CLVS1: variants seen among roughly 807,000 people sequenced by gnomAD.
CLVS1 encodes the protein clavesin-1.
CLVS1 carries 10 observed loss-of-function variants against 33.1 expected under a neutral mutation model. The observed-to-expected ratio is 0.30, with a 90% CI of 0.19 to 0.51. The LOEUF (loss-of-function observed/expected upper bound fraction) is 0.51, where lower values mean the gene tolerates loss of function less well. Ranked by LOEUF, CLVS1 falls within the 20% of genes least tolerant of loss-of-function variation. The pLI is 0.97. For missense variants in CLVS1, 343 were observed against 433.4 expected (o/e 0.79, Z 1.85); for synonymous variants, 163 against 166.1 (o/e 0.98, Z 0.14).
upstream of CLVS1, among the ~76,000 whole-genome samples, chr8:61,283,878 A>G (rs1809723103): frequency 6.6e-6 from 1 of 152,220 alleles, no homozygotes; most frequent in South Asian, 2.1e-4. Context: ...AAGGTGGGAA[A>G]CAGCAATTTG....
At chr8:61,225,357 A>G (rs988460484) in intron 2 of CLVS1, among the ~76,000 whole-genome samples, 2 of 152,056 alleles carry the variant, frequency 1.3e-5, no homozygotes, top group Admixed American at 6.6e-5. Context: ...AAGAATGTAA[A>G]AGTTTCTTTA....
chr8:61,229,781 C>A (rs2129311599), intron 2 of CLVS1, among the ~76,000 whole-genome samples: 1 of 152,308 alleles, frequency 6.6e-6, no homozygotes, highest in Admixed American at 6.5e-5. Context: ...CAGGTGTCTG[C>A]CACCATGCCT....
chr8:61,116,222 T>C (rs1299146212), intron 1 of CLVS1, among the ~76,000 whole-genome samples: 1 of 151,864 alleles, frequency 6.6e-6, no homozygotes, highest in Non-Finnish European at 1.5e-5. Flanking sequence ...GATGGGGTTG[T>C]TTGTTTTTTT....
At chr8:61,317,660 C>A (rs1177585383) in intron 2 of CLVS1, among the ~76,000 whole-genome samples, 1 of 152,192 alleles carries the variant, frequency 6.6e-6, no homozygotes, top group Non-Finnish European at 1.5e-5. Flanking sequence ...TCTCCACTTT[C>A]TCTTCTGGTT....
At chr8:61,206,522 C>T (rs1807844686) in intron 2 of CLVS1, among the ~76,000 whole-genome samples, 2 of 152,130 alleles carry the variant, frequency 1.3e-5, no homozygotes, top group Admixed American at 6.5e-5. Flanking sequence ...CTCTCTAAGC[C>T]AGATTAGACT....
intron 2 of CLVS1, among the ~76,000 whole-genome samples, chr8:61,259,483 T>G (rs529994699): frequency 3.3e-5 from 5 of 152,222 alleles, no homozygotes; most frequent in Non-Finnish European, 2.9e-5. Context: ...ATATTTTCCT[T>G]GCTGGGAAAT....
At chr8:61,343,882 C>T (rs529030982) in intron 2 of CLVS1, among the ~76,000 whole-genome samples, 1 of 152,172 alleles carries the variant, frequency 6.6e-6, no homozygotes, top group East Asian at 1.9e-4. Flanking sequence ...ATCCTTAATC[C>T]ACTTTAAATC....
chr8:61,284,048 G>A (rs1216012385), upstream of CLVS1, among the ~76,000 whole-genome samples: 1 of 152,174 alleles, frequency 6.6e-6, no homozygotes, highest in Non-Finnish European at 1.5e-5. Flanking sequence ...AACAAAGAAT[G>A]AAATCCTGAC....
chr8:61,383,785 G>A (rs1813977592), intron 3 of CLVS1, among the ~76,000 whole-genome samples: 1 of 152,090 alleles, frequency 6.6e-6, no homozygotes. Flanking sequence ...TTTGATAAAT[G>A]GTGTTTTCAG....
chr8:61,111,174 T>C (rs1222869095), intron 1 of CLVS1, among the ~76,000 whole-genome samples: 1 of 152,180 alleles, frequency 6.6e-6, no homozygotes, highest in Admixed American at 6.5e-5. Context: ...CCTGAAAAAA[T>C]GCAATGACGC....
chr8:61,455,568 C>T (rs1817120029), intron 4 of CLVS1, among the ~76,000 whole-genome samples: 1 of 151,974 alleles, frequency 6.6e-6, no homozygotes, highest in Non-Finnish European at 1.5e-5. Context: ...CATAGTATTC[C>T]TCTCGGTATA....
chr8:61,363,412 C>A (rs1813063811), intron 2 of CLVS1, among the ~76,000 whole-genome samples: 1 of 152,184 alleles, frequency 6.6e-6, no homozygotes, highest in Admixed American at 6.5e-5. Flanking sequence ...TGCAGTGTAG[C>A]TACTGTTAAG....
chr8:61,191,207 A>G (rs961861669), intron 2 of CLVS1, among the ~76,000 whole-genome samples: 1 of 152,262 alleles, frequency 6.6e-6, no homozygotes, highest in African/African-American at 2.4e-5. Flanking sequence ...CCTGGGATGC[A>G]AGGCTGGTTC....
chr8:61,187,478 G>A (rs1807365258), intron 2 of CLVS1, among the ~76,000 whole-genome samples: 1 of 151,980 alleles, frequency 6.6e-6, no homozygotes, highest in South Asian at 2.1e-4. Context: ...AAGGAAAAAG[G>A]CAACTATTCT....
intron 2 of CLVS1, among the ~76,000 whole-genome samples, chr8:61,162,953 T>C (rs1291760963): frequency 2.6e-5 from 4 of 152,222 alleles, no homozygotes; most frequent in African/African-American, 9.6e-5. Flanking sequence ...CGTAAAATTA[T>C]TAAGTAATAC....
At chr8:61,452,372 C>A (rs1190599892) in intron 3 of CLVS1, among the ~76,000 whole-genome samples, 2 of 152,116 alleles carry the variant, frequency 1.3e-5, no homozygotes, top group African/African-American at 4.8e-5. Flanking sequence ...TAGTGAAGCC[C>A]TGGTTTTATA....
chr8:60,986,373 G>A, the CLVS1 span, among the ~76,000 whole-genome samples: 1 of 152,340 alleles, frequency 6.6e-6, no homozygotes, highest in East Asian at 1.9e-4. Context: ...CTGTTTCTAT[G>A]GAAACAGAAA....
intron 3 of CLVS1, among the ~76,000 whole-genome samples, chr8:61,429,168 TC>T (rs2129605192): frequency 6.6e-6 from 1 of 152,178 alleles, no homozygotes; most frequent in South Asian, 2.1e-4. Flanking sequence ...ATGCCTGTAA[TC>T]CCAGCACTTT....
chr8:61,315,631 G>C (rs1270763413), intron 2 of CLVS1, among the ~76,000 whole-genome samples: 1 of 152,198 alleles, frequency 6.6e-6, no homozygotes, highest in Non-Finnish European at 1.5e-5. Flanking sequence ...CAACATCATA[G>C]TGGGGGAGGG....
Sources: allele counts gnomAD v4.1 joint callset (sites outside exome capture counted in the v4.1 genomes callset), GRCh38; gene constraint gnomAD v4.1.1; transcripts MANE v1.5; gene names NCBI Gene and HGNC (gene_info 2026-07-23, HGNC 2026-07-21).